Variants in HMGB1 observed in about 807,000 individuals in gnomAD.
HMGB1 encodes high mobility group protein B1.
For synonymous variants in HMGB1, 81 were observed against 84.0 expected (o/e 0.96, Z 0.19); for missense variants, 79 against 253.5 (o/e 0.31, Z 4.67).
rs1280607188 is a variant in HMGB1 at position 30,457,065 on chromosome 13, AAAG to A, written c.*4289_*4291del. Reference sequence around the variant, plus strand: ...ACGTACATGACTGAATTATGTGACTAAAGAGAACAATGAATATGAGTACATAAT... The same window carrying A: ...ACGTACATGACTGAATTATGTGACTAAGAACAATGAATATGAGTACATAAT... On this transcript the variant is annotated 3_prime_UTR_variant, in exon 5 of 5. Transcript: ENST00000341423. The A allele has an allele frequency of 2.6e-5, 4 of 152,238 alleles. No individual in the cohort carries two copies. Among genetic ancestry groups the A allele is most frequent in the African/African-American group, 9.6e-5 (4 of 41,470 alleles). The allele number at this position is 152,238 out of a possible 1,614,324, so 9.4% of individuals were successfully genotyped here.
chr13:30,544,608 A>G (rs1190973431), intron 1 of HMGB1, among the ~76,000 whole-genome samples: 2 of 152,100 alleles, frequency 1.3e-5, no homozygotes, highest in Non-Finnish European at 2.9e-5. Context: ...TGCCCCTGAA[A>G]AGGGCATGGA....
At chr13:30,560,236 G>C (rs907255945) in intron 1 of HMGB1, among the ~76,000 whole-genome samples, 2 of 152,148 alleles carry the variant, frequency 1.3e-5, no homozygotes, top group Non-Finnish European at 2.9e-5. Context: ...GAAAAAGTAG[G>C]GTCATGTAAG....
intron 1 of HMGB1, among the ~76,000 whole-genome samples, chr13:30,521,136 G>A (rs752916601): frequency 5.3e-5 from 8 of 152,190 alleles, no homozygotes; most frequent in Non-Finnish European, 5.9e-5. Flanking sequence ...CTTTGCTGGA[G>A]TTCAGTTCCA....
chr13:30,538,580 CTT>C (rs754134991), intron 1 of HMGB1, among the ~76,000 whole-genome samples: 5 of 119,626 alleles, frequency 4.2e-5, no homozygotes, highest in Non-Finnish European at 7.1e-5. Flanking sequence ...TTCTTTCTTT[CTT>C]TCTTTTTCTT....
chr13:30,548,123 A>G (rs1416122434), intron 1 of HMGB1, among the ~76,000 whole-genome samples: 3 of 152,150 alleles, frequency 2.0e-5, no homozygotes, highest in Non-Finnish European at 2.9e-5. Flanking sequence ...CCCAAATCTC[A>G]TCTTGAATTG....
intron 1 of HMGB1, among the ~76,000 whole-genome samples, chr13:30,521,249 A>C (rs1344363615): frequency 6.6e-6 from 1 of 152,174 alleles, no homozygotes; most frequent in Non-Finnish European, 1.5e-5. Flanking sequence ...CATACCATAC[A>C]ATCTACCCAC....
At chr13:30,511,196 T>G (rs1451747280) in intron 1 of HMGB1, among the ~76,000 whole-genome samples, 1 of 152,234 alleles carries the variant, frequency 6.6e-6, no homozygotes, top group Non-Finnish European at 1.5e-5. Flanking sequence ...TTCCTTTTCA[T>G]TATCCACTAC....
intron 1 of HMGB1, among the ~76,000 whole-genome samples, chr13:30,478,500 T>C (rs1417370956): frequency 6.6e-6 from 1 of 152,212 alleles, no homozygotes; most frequent in Non-Finnish European, 1.5e-5. Flanking sequence ...TTCTTATGAA[T>C]ACTAAACTGA....
chr13:30,577,399 C>T (rs1870705302), intron 1 of HMGB1, among the ~76,000 whole-genome samples: 1 of 150,510 alleles, frequency 6.6e-6, no homozygotes. Flanking sequence ...CACCAAAACC[C>T]AATCCTGATA....
intron 1 of HMGB1, among the ~76,000 whole-genome samples, chr13:30,597,036 T>A (rs1488848637): frequency 6.6e-6 from 1 of 152,214 alleles, no homozygotes; most frequent in African/African-American, 2.4e-5. Context: ...ACTTTCATAG[T>A]TTCTCTGTTC....
intron 1 of HMGB1, among the ~76,000 whole-genome samples, chr13:30,523,118 T>C (rs1050293531): frequency 4.1e-4 from 62 of 152,156 alleles, no homozygotes; most frequent in African/African-American, 1.4e-3. Flanking sequence ...AGTTATAACA[T>C]TGGGGAAGAA....
chr13:30,578,786 T>C (rs1870776646), intron 1 of HMGB1, among the ~76,000 whole-genome samples: 1 of 152,254 alleles, frequency 6.6e-6, no homozygotes, highest in South Asian at 2.1e-4. Flanking sequence ...TCTTTCTTAC[T>C]GTTGCTGGAA....
intron 1 of HMGB1, among the ~76,000 whole-genome samples, chr13:30,594,767 A>G (rs1024424091): frequency 6.6e-6 from 1 of 152,200 alleles, no homozygotes; most frequent in African/African-American, 2.4e-5. Flanking sequence ...GCTAGCTCAG[A>G]TAAGTATTTC....
At chr13:30,534,751 ACTTT>A (rs1888576041) in intron 1 of HMGB1, among the ~76,000 whole-genome samples, 1 of 150,370 alleles carries the variant, frequency 6.7e-6, no homozygotes, top group Non-Finnish European at 1.5e-5. Flanking sequence ...TAACTTTTGT[ACTTT>A]TAGTAGAGAT....
Position 30,458,970 on chromosome 13 carries a change from T to A in HMGB1, c.*2387A>T, listed in dbSNP as rs1252230212. 2.0e-5 allele frequency: 3 copies of A among 152,140 alleles called. No homozygotes were observed. The highest frequency in any genetic ancestry group is 4.4e-5 in the Non-Finnish European group (3 of 68,018). The allele number at this position is 152,140 out of a possible 1,614,324, so 9.4% of individuals were successfully genotyped here. On this transcript the variant is annotated 3_prime_UTR_variant, in exon 5 of 5. Transcript: ENST00000341423. ...ATATGCCATATGCCTATCTTTAAAATACAAAAAAACTAAGATTTATACATC... is the reference window on the plus strand; with the variant it reads ...ATATGCCATATGCCTATCTTTAAAAAACAAAAAAACTAAGATTTATACATC...
At chr13:30,560,032 C>T (rs1466488529) in intron 1 of HMGB1, among the ~76,000 whole-genome samples, 1 of 152,056 alleles carries the variant, frequency 6.6e-6, no homozygotes, top group African/African-American at 2.4e-5. Context: ...GTGTGTGTAA[C>T]TATTTACAGT....
In HMGB1 at chr13:30,553,491, G is replaced by A. The variant is rs138379323; in HGVS notation, c.-15+63180C>T. Among the ~76,000 whole-genome samples the A allele has an allele frequency of 2.9e-3, 435 of 152,276 alleles. 1 individual carries two copies. Among genetic ancestry groups the A allele is most frequent in the African/African-American group, 0.01 (420 of 41,542 alleles). On this transcript the variant is annotated intron_variant, in intron 1 of 4. Coordinates refer to the HMGB1 transcript ENST00000405805. Reference sequence around the variant, plus strand: ...ATAATGAAGATAATACTTTATAGGAGTATGGTAATGACTTCATAGGGGTAT... The same window carrying A: ...ATAATGAAGATAATACTTTATAGGAATATGGTAATGACTTCATAGGGGTAT...
intron 1 of HMGB1, among the ~76,000 whole-genome samples, chr13:30,497,584 T>C (rs961759335): frequency 1.3e-5 from 2 of 152,090 alleles, no homozygotes; most frequent in African/African-American, 4.8e-5. Context: ...ACGGGTAGTT[T>C]TTTGATCCTC....
intron 1 of HMGB1, among the ~76,000 whole-genome samples, chr13:30,556,800 G>A (rs1171237526): frequency 6.6e-6 from 1 of 152,200 alleles, no homozygotes; most frequent in Non-Finnish European, 1.5e-5. Context: ...AAATTATAGC[G>A]AGATAAGAGA....
Sources: allele counts gnomAD v4.1 joint callset (sites outside exome capture counted in the v4.1 genomes callset), GRCh38; gene constraint gnomAD v4.1.1; transcripts MANE v1.5; gene names NCBI Gene and HGNC (gene_info 2026-07-23, HGNC 2026-07-21).